Variants in ABI1 observed in about 807,000 individuals in gnomAD.
ABI1 encodes the protein Abelson interactor 1.
In ABI1, 14 loss-of-function variants were observed where a neutral mutation model predicts 54.6. That is an observed-to-expected ratio of 0.26 (90% CI 0.17 to 0.40). The LOEUF is 0.40. ABI1 is among the 10% of genes least tolerant of loss of function. The pLI, the probability that ABI1 is intolerant of heterozygous loss-of-function variation, is 1.00. For synonymous variants in ABI1, 194 were observed against 209.3 expected, an observed-to-expected ratio of 0.93 and a Z score of 0.63; for missense variants, 443 against 598.3, an observed-to-expected ratio of 0.74 and a Z score of 2.71.
In ABI1 at chr10:26,860,911, A is replaced by T. The variant is rs1273749090; in HGVS notation, c.-48T>A. The T allele has an allele frequency of 1.9e-6, 3 of 1,567,084 alleles. No individual in the cohort carries two copies. The highest frequency in any genetic ancestry group is 2.6e-6 in the Non-Finnish European group (3 of 1,138,910). On this transcript the variant is annotated 5_prime_UTR_variant, in exon 1 of 11. Coordinates refer to ENST00000376140, the MANE Select transcript of ABI1 (RefSeq NM_001012750.3). The surrounding 1 kb of genome is among the most constrained non-coding windows in gnomAD (Gnocchi z 4.1). ...CCTCTCGCGTTAAAGAGACAGAGGC[A>T]GCAAGGTCCGCCGAGGCTCCGAGCA...
At chr10:26,847,131 T>C (rs904826561) in intron 1 of ABI1, among the ~76,000 whole-genome samples, 37 of 152,180 alleles carry the variant, frequency 2.4e-4, no homozygotes, top group African/African-American at 8.0e-4. Context: ...CAAACTAATA[T>C]ACTCTGTCAT....
intron 1 of ABI1, among the ~76,000 whole-genome samples, chr10:26,848,710 G>C (rs552500929): frequency 6.8e-6 from 1 of 147,976 alleles, no homozygotes; most frequent in East Asian, 2.0e-4. Flanking sequence ...CCAGGTTCCA[G>C]TGATTCTCCT....
chr10:26,807,979 C>A (rs774848909), intron 2 of ABI1, among the ~76,000 whole-genome samples: 10 of 152,128 alleles, frequency 6.6e-5, no homozygotes, highest in Non-Finnish European at 1.3e-4. Flanking sequence ...GTAGTCCCAG[C>A]TACTCGGGAG....
chr10:26,814,838 T>A (rs893434299), intron 2 of ABI1, among the ~76,000 whole-genome samples: 3 of 152,146 alleles, frequency 2.0e-5, no homozygotes, highest in African/African-American at 7.2e-5. Flanking sequence ...AGGGACTCTT[T>A]CCTGAAATAA....
At position 26,860,802 on chromosome 10, in the gene ABI1, T is replaced by C. The variant is rs762906239; in HGVS notation, c.62A>G (p.Glu21Gly). The change falls in exon 1 of 11, where the codon GAG (glutamate) becomes GGG (glycine). Residue 21 changes from glutamate to glycine, a missense_variant. Transcript: ENST00000376140. The surrounding 1 kb of genome is among the most constrained non-coding windows in gnomAD (Gnocchi z 4.1). ...EIPSGKRALI[E>G]SYQNLTRVAD... ...CACCCGAGTCAGGTTCTGGTAACTC[T>C]CGATCAGCGCCCTCTTGCCAGACGG... is the stretch of plus-strand genomic sequence containing the variant. The C allele has an allele frequency of 6.2e-7, 1 of 1,614,192 alleles. No homozygotes were observed. The highest frequency in any genetic ancestry group is 2.2e-5 in the East Asian group (1 of 44,874).
At chr10:26,776,120 T>C (rs751229029) in intron 3 of ABI1, among the ~76,000 whole-genome samples, 2 of 152,160 alleles carry the variant, frequency 1.3e-5, no homozygotes, top group African/African-American at 4.8e-5. Flanking sequence ...TTGCAATGTG[T>C]TCCAATTTTA....
At chr10:26,750,169 C>T (rs1398738826) in intron 10 of ABI1, among the ~76,000 whole-genome samples, 1 of 152,204 alleles carries the variant, frequency 6.6e-6, no homozygotes, top group Non-Finnish European at 1.5e-5. Context: ...GTAGAATATT[C>T]AAGACTTTCT....
intron 1 of ABI1, among the ~76,000 whole-genome samples, chr10:26,852,568 A>G (rs1414479476): frequency 6.6e-6 from 1 of 152,226 alleles, no homozygotes; most frequent in Non-Finnish European, 1.5e-5. Context: ...TCTATATGAT[A>G]TAATATATAC....
chr10:26,794,115 C>T (rs770165623), intron 2 of ABI1, among the ~76,000 whole-genome samples: 45 of 152,084 alleles, frequency 3.0e-4, no homozygotes, highest in Admixed American at 8.5e-4. Context: ...ATGACATGTG[C>T]GCCTGTAGTC....
At chr10:26,839,355 G>T (rs551843405) in intron 1 of ABI1, among the ~76,000 whole-genome samples, 3 of 152,032 alleles carry the variant, frequency 2.0e-5, no homozygotes, top group Non-Finnish European at 4.4e-5. Context: ...AATTAGCCAG[G>T]CATGGTGGCA....
intron 1 of ABI1, among the ~76,000 whole-genome samples, chr10:26,836,539 T>C (rs978380976): frequency 2.0e-5 from 3 of 152,222 alleles, no homozygotes; most frequent in African/African-American, 4.8e-5. Flanking sequence ...GGCATGTAAA[T>C]AGTTGGATTA....
intron 1 of ABI1, among the ~76,000 whole-genome samples, chr10:26,836,684 C>T (rs2049103724): frequency 6.6e-6 from 1 of 152,120 alleles, no homozygotes; most frequent in South Asian, 2.1e-4. Context: ...ACCTCCCTAC[C>T]ACCCCACCAA....
chr10:26,801,488 G>A (rs1158396546), intron 2 of ABI1, among the ~76,000 whole-genome samples: 2 of 151,958 alleles, frequency 1.3e-5, no homozygotes, highest in Non-Finnish European at 2.9e-5. Context: ...CAGAGGTTGC[G>A]GTGAGCCAAG....
chr10:26,845,146 T>C (rs79026555), intron 1 of ABI1, among the ~76,000 whole-genome samples: 3 of 146,182 alleles, frequency 2.1e-5, no homozygotes, highest in Admixed American at 6.8e-5. Context: ...CTAAATGCTT[T>C]AAAAAAAAAA....
At chr10:26,799,247 T>C (rs1387980216) in intron 2 of ABI1, among the ~76,000 whole-genome samples, 3 of 151,904 alleles carry the variant, frequency 2.0e-5, no homozygotes, top group Admixed American at 1.3e-4. Flanking sequence ...AAAAAAGATA[T>C]ATTCTGCATA....
At chr10:26,810,110 C>A (rs1336357829) in intron 2 of ABI1, among the ~76,000 whole-genome samples, 3 of 152,140 alleles carry the variant, frequency 2.0e-5, no homozygotes, top group Non-Finnish European at 2.9e-5. Context: ...GCCACTAGCA[C>A]CTGAAATGAA....
At chr10:26,822,412 T>A (rs1167685278) in intron 2 of ABI1, among the ~76,000 whole-genome samples, 1 of 152,276 alleles carries the variant, frequency 6.6e-6, no homozygotes, top group Admixed American at 6.5e-5. Flanking sequence ...AAGATTTGCA[T>A]ACAAATGTTT....
intron 5 of ABI1, among the ~76,000 whole-genome samples, chr10:26,769,259 A>G (rs954389819): frequency 6.6e-6 from 1 of 152,200 alleles, no homozygotes; most frequent in Non-Finnish European, 1.5e-5. Flanking sequence ...AATTATGGTT[A>G]TAATTTTTTA....
At position 26,860,906 on chromosome 10, in the gene ABI1, G is replaced by A. The variant is rs1265042221; in HGVS notation, c.-43C>T. The A allele has an allele frequency of 1.3e-6, 2 of 1,581,336 alleles. No individual in the cohort carries two copies. The highest frequency in any genetic ancestry group is 1.7e-6 in the Non-Finnish European group (2 of 1,151,686). On this transcript the variant is annotated 5_prime_UTR_variant, in exon 1 of 11. Transcript: ENST00000376140. The surrounding 1 kb of genome is among the most constrained non-coding windows in gnomAD (Gnocchi z 4.1). ...CGCTTCCTCTCGCGTTAAAGAGACA[G>A]AGGCAGCAAGGTCCGCCGAGGCTCC...
Sources: gnomAD v4.1 joint callset for allele counts (sites outside exome capture counted in the v4.1 genomes callset) on GRCh38, gnomAD v4.1.1 for gene constraint, Gnocchi (gnomAD v3.1) non-coding constraint, MANE v1.5 for transcripts, NCBI Gene and HGNC (gene_info 2026-07-23, HGNC 2026-07-21) for gene names.